Variants in ANKMY1 observed in about 807,000 individuals in gnomAD.
ANKMY1 encodes ankyrin repeat and MYND domain-containing protein 1.
Under a neutral mutation model 102.0 loss-of-function variants are expected in ANKMY1, and 98 were observed. The ratio of observed to expected loss-of-function variants is 0.96; its 90% CI spans 0.82 to 1.14. ANKMY1 has a LOEUF of 1.14. ANKMY1 is among the 50% of genes most tolerant of loss of function. The probability of loss-of-function intolerance (pLI) is 0.00; values close to 1 mark genes in which losing one functional copy is unlikely to be tolerated. For synonymous variants in ANKMY1, 582 were observed against 559.9 expected, an observed-to-expected ratio of 1.04 and a Z score of -0.56; for missense variants, 1,330 against 1,347.6, an observed-to-expected ratio of 0.99 and a Z score of 0.20.
intron 15 of ANKMY1, among the ~76,000 whole-genome samples, chr2:240,497,247 T>C (rs1276083849): frequency 2.0e-5 from 3 of 152,096 alleles, no homozygotes; most frequent in African/African-American, 7.2e-5. Flanking sequence ...CTCCTCCCCA[T>C]CTTGGAAGCT....
chr2:240,551,230 C>A lies in ANKMY1; in HGVS notation c.480+1684G>T, dbSNP rs906501757. Among the ~76,000 whole-genome samples the A allele has an allele frequency of 2.7e-5, 4 of 149,262 alleles. No individual in the cohort carries two copies. The South Asian group carries it at 6.3e-4, about 24-fold the overall frequency. The stretch of plus-strand genomic sequence containing the variant: ...GATAATTTTTTTCTTTTGAGCTATT[C>A]ATAACCTTGAAATATACTTTAAGTG... On this transcript the variant is annotated intron_variant, in intron 4 of 17. Transcript: ENST00000401804.
At chr2:240,513,708 C>T (rs1184918682) in intron 9 of ANKMY1, among the ~76,000 whole-genome samples, 2 of 152,206 alleles carry the variant, frequency 1.3e-5, no homozygotes, top group Non-Finnish European at 2.9e-5. Flanking sequence ...GCACCTGAGG[C>T]AGAGGGCAGG....
At chr2:240,476,740 T>C (rs1215894396), downstream of ANKMY1, among the ~76,000 whole-genome samples, 1 of 152,222 alleles carries the variant, frequency 6.6e-6, no homozygotes, top group Non-Finnish European at 1.5e-5. Context: ...AAATTAATGC[T>C]AGATTGGTTA....
chr2:240,526,431 T>C lies in ANKMY1; in HGVS notation c.968A>G (p.His323Arg). 6.2e-7 allele frequency: 1 copy of C among 1,614,110 alleles called. No homozygotes were observed. Among genetic ancestry groups the C allele is most frequent in the Admixed American group, 1.7e-5 (1 of 60,020 alleles). Reference sequence around the variant, plus strand: ...GATGGCGCCCATGTTCCAGCTGGTGTGAGCTGGCTTGTTCCTGGCAACACA... The same window carrying C: ...GATGGCGCCCATGTTCCAGCTGGTGCGAGCTGGCTTGTTCCTGGCAACACA... ...QTYKFRNKPAHTSWNMGAILE... is the reference protein window; with the variant it reads ...QTYKFRNKPARTSWNMGAILE... The change falls in exon 6 of 18, where the codon CAC (histidine) becomes CGC (arginine). Residue 323 changes from histidine to arginine, a missense_variant. Transcript: ENST00000401804.
At chr2:240,498,826 G>C (rs935864982) in intron 15 of ANKMY1, among the ~76,000 whole-genome samples, 8 of 152,048 alleles carry the variant, frequency 5.3e-5, no homozygotes, top group Non-Finnish European at 1.0e-4. Context: ...TGGGAGTTTA[G>C]AAGAGCCTGG....
At chr2:240,507,936 C>G (rs1415448572) in intron 12 of ANKMY1, 1 of 384,604 alleles carries the variant, frequency 2.6e-6, no homozygotes, top group African/African-American at 2.1e-5. Flanking sequence ...GGAACTCCAC[C>G]CAGGTGGGCC....
rs551283016 is a variant in ANKMY1, at chr2:240,498,955, G to A, written c.2806+1003C>T. Among the ~76,000 whole-genome samples, 689 of 152,264 alleles carry A rather than the reference G, an allele frequency of 4.5e-3. 7 individuals are homozygous for A. The highest frequency in any genetic ancestry group is 7.1e-3 in the Non-Finnish European group (486 of 68,004). On this transcript the variant is annotated intron_variant, in intron 15 of 17. Transcript: ENST00000401804. The stretch of plus-strand genomic sequence containing the variant: ...CTCTCCAGAAGCAGATGCTGGTACC[G>A]CACTTCCTGTGCAGCCTGCAGAACC...
chr2:240,560,964 C>T, upstream of ANKMY1: 2 of 1,516,578 alleles, frequency 1.3e-6, no homozygotes, highest in Non-Finnish European at 1.7e-6. Flanking sequence ...GGCCGCGGTG[C>T]GCGCCGGCGG....
At chr2:240,476,449 C>T (rs925070956), downstream of ANKMY1, among the ~76,000 whole-genome samples, 6 of 152,168 alleles carry the variant, frequency 3.9e-5, no homozygotes, top group East Asian at 5.8e-4. Context: ...TAAGTCCCAA[C>T]GAGACATTTT....
At position 240,499,943 on chromosome 2, in the gene ANKMY1, G is replaced by A. The variant is rs775862442; in HGVS notation, c.2806+15C>T. ...CCGCCCTGTGGAGCAGAGCAGAGCA[G>A]GGCCCACTGCTCACCTCTCTTGCAC... On this transcript the variant is annotated intron_variant, in intron 15 of 17. Transcript: ENST00000401804. This position sits in a 1 kb window ranked among gnomAD's most constrained non-coding sequence, Gnocchi z 4.2. 1 of 1,608,082 alleles carries A rather than the reference G, an allele frequency of 6.2e-7. No individual in the cohort carries two copies. The highest frequency in any genetic ancestry group is 8.5e-7 in the Non-Finnish European group (1 of 1,176,690).
At chr2:240,491,887 A>G (rs1024011491) in intron 15 of ANKMY1, among the ~76,000 whole-genome samples, 1 of 152,024 alleles carries the variant, frequency 6.6e-6, no homozygotes. Context: ...CATGCAGAAG[A>G]TCTTTTATCA....
intron 13 of ANKMY1, among the ~76,000 whole-genome samples, chr2:240,503,985 G>A (rs910719878): frequency 3.9e-5 from 6 of 152,194 alleles, no homozygotes; most frequent in Admixed American, 2.0e-4. Context: ...AGCGAGGTCT[G>A]CACCAGGGTC....
chr2:240,531,708 T>C (rs2085430314), intron 4 of ANKMY1, among the ~76,000 whole-genome samples: 1 of 152,104 alleles, frequency 6.6e-6, no homozygotes, highest in South Asian at 2.1e-4. Context: ...AGCAGATTAG[T>C]AGTTGTCAAT....
At chr2:240,505,618 G>T (rs1382298127) in intron 13 of ANKMY1, among the ~76,000 whole-genome samples, 6 of 152,192 alleles carry the variant, frequency 3.9e-5, no homozygotes, top group African/African-American at 1.2e-4. Context: ...GAGACAGACA[G>T]GGCCAGAGTT....
In ANKMY1 at chr2:240,520,493, G is replaced by A; in HGVS notation, c.1873C>T (p.Arg625Trp). ...CAGCACAGGTTGGGGTCCGCGCCCC[G>A]GCGCAGCAGCAGCTTGATGGTCCGC... Reference protein sequence around the residue: ...RWRTIKLLLRRGADPNLCCVP... With the variant: ...RWRTIKLLLRWGADPNLCCVP... Residue 625 changes from arginine to tryptophan, a missense_variant, in exon 9 of 18, where the codon CGG (arginine) becomes TGG (tryptophan). Coordinates refer to ENST00000401804, the MANE Select transcript of ANKMY1 (RefSeq NM_001282771.3). The surrounding 1 kb of genome is among the most constrained non-coding windows in gnomAD (Gnocchi z 4.8). 1.1e-5 allele frequency: 17 copies of A among 1,613,248 alleles called. No individual in the cohort carries two copies. The highest frequency in any genetic ancestry group is 1.4e-5 in the Non-Finnish European group (16 of 1,179,706).
intron 9 of ANKMY1, among the ~76,000 whole-genome samples, chr2:240,516,933 A>AT (rs1293318571): frequency 1.3e-5 from 2 of 152,112 alleles, no homozygotes; most frequent in Admixed American, 1.3e-4. Flanking sequence ...TTTTTGTTTC[A>AT]TTTTTTGGAG....
intron 9 of ANKMY1, among the ~76,000 whole-genome samples, chr2:240,515,210 AG>A (rs1170406970): frequency 6.6e-6 from 1 of 152,200 alleles, no homozygotes; most frequent in East Asian, 1.9e-4. Flanking sequence ...TCAAAATAAT[AG>A]GGTTTTCTTT....
the ANKMY1 span, among the ~76,000 whole-genome samples, chr2:240,474,194 C>T: frequency 6.6e-6 from 1 of 151,830 alleles, no homozygotes; most frequent in East Asian, 1.9e-4. Context: ...CTCCCAGGTC[C>T]ATGCCATTCT....
chr2:240,515,003 T>G lies in ANKMY1; in HGVS notation c.2005-2061A>C, dbSNP rs116856881. Among the ~76,000 whole-genome samples, 259 of 152,356 alleles carry G rather than the reference T, an allele frequency of 1.7e-3. 5 individuals are homozygous for G. In the East Asian group the frequency reaches 0.042, roughly 25 times the overall value. On this transcript the variant is annotated intron_variant, in intron 9 of 17. Transcript: ENST00000401804. Reference sequence around the variant, plus strand: ...ACCTGGGAGAAGGTGTCAATCAAGATGAACTGCTCTTGTGAGACACAGGGC... The same window carrying G: ...ACCTGGGAGAAGGTGTCAATCAAGAGGAACTGCTCTTGTGAGACACAGGGC...
Sources: allele counts gnomAD v4.1 joint callset (sites outside exome capture counted in the v4.1 genomes callset), GRCh38; gene constraint gnomAD v4.1.1; non-coding constraint Gnocchi (gnomAD v3.1); transcripts MANE v1.5; gene names NCBI Gene and HGNC (gene_info 2026-07-23, HGNC 2026-07-21).